Variants in SLC17A1 observed in about 807,000 individuals in gnomAD.
The protein encoded by SLC17A1 is solute carrier family 17 member 1.
SLC17A1 carries 51 observed loss-of-function variants against 53.5 expected under a neutral mutation model. That is an observed-to-expected ratio of 0.95 (90% CI 0.76 to 1.20). The LOEUF is 1.20. Ranked by LOEUF, SLC17A1 falls within the 50% of genes most tolerant of loss-of-function variation. SLC17A1 has a pLI of 0.00. For synonymous variants in SLC17A1, 179 were observed against 198.8 expected (o/e 0.90, Z 0.84); for missense variants, 538 against 568.2 (o/e 0.95, Z 0.54).
the SLC17A1 span, chr6:25,726,127 T>C: frequency 7.9e-6 from 12 of 1,522,396 alleles, no homozygotes; most frequent in Non-Finnish European, 8.8e-6. Flanking sequence ...AATGACAACC[T>C]TAAGTTACTT....
intron 6 of SLC17A1, among the ~76,000 whole-genome samples, chr6:25,817,923 GACTA>G (rs1166091810): frequency 1.3e-5 from 2 of 152,170 alleles, no homozygotes; most frequent in East Asian, 1.9e-4. Flanking sequence ...TACTACTGAA[GACTA>G]ACTAACACAG....
chr6:25,736,283 A>T, the SLC17A1 span, among the ~76,000 whole-genome samples: 2 of 152,082 alleles, frequency 1.3e-5, no homozygotes, highest in African/African-American at 4.8e-5. Context: ...CTTTTGTAAG[A>T]ACATCTGTCT....
chr6:25,773,734 A>T, the SLC17A1 span: 1 of 1,554,560 alleles, frequency 6.4e-7, no homozygotes, highest in African/African-American at 1.4e-5. Context: ...ATGAGAGCTC[A>T]TATATAATCC....
intron 10 of SLC17A1, among the ~76,000 whole-genome samples, chr6:25,809,010 A>G (rs1211962878): frequency 6.6e-6 from 1 of 152,064 alleles, no homozygotes. Context: ...GTGTCCATCA[A>G]CAGATGATTG....
chr6:25,726,845 C>T, the SLC17A1 span: 28 of 1,536,512 alleles, frequency 1.8e-5, no homozygotes, highest in Non-Finnish European at 2.3e-5. Flanking sequence ...AGCTGTTGAG[C>T]ACTGGAAAGT....
At chr6:25,747,475 A>T in the SLC17A1 span, among the ~76,000 whole-genome samples, 5 of 152,236 alleles carry the variant, frequency 3.3e-5, no homozygotes, top group Non-Finnish European at 5.9e-5. Context: ...CAGCCAACAA[A>T]TAACACTACA....
chr6:25,784,878 C>T (rs1485995704), intron 12 of SLC17A1, among the ~76,000 whole-genome samples: 1 of 152,156 alleles, frequency 6.6e-6, no homozygotes, highest in Non-Finnish European at 1.5e-5. Flanking sequence ...ACTCTAGCCA[C>T]TTCTGCTCAA....
At chr6:25,761,095 T>G in the SLC17A1 span, among the ~76,000 whole-genome samples, 83 of 152,286 alleles carry the variant, frequency 5.5e-4, no homozygotes, top group African/African-American at 1.9e-3. Flanking sequence ...TTTGGTCAGT[T>G]TTTTAGCTGG....
chr6:25,823,658 G>A (rs185084404), intron 3 of SLC17A1, among the ~76,000 whole-genome samples: 1 of 151,630 alleles, frequency 6.6e-6, no homozygotes, highest in Non-Finnish European at 1.5e-5. Flanking sequence ...TTTTTGTATT[G>A]GGTTGTGTTT....
chr6:25,827,556 A>C (rs1764794494), intron 2 of SLC17A1, among the ~76,000 whole-genome samples: 1 of 152,140 alleles, frequency 6.6e-6, no homozygotes, highest in African/African-American at 2.4e-5. Context: ...TCCATCTCCA[A>C]AATCAGCAAT....
the SLC17A1 span, among the ~76,000 whole-genome samples, chr6:25,760,598 C>T: frequency 6.6e-6 from 1 of 152,104 alleles, no homozygotes; most frequent in Non-Finnish European, 1.5e-5. Flanking sequence ...CCTAGAAGTC[C>T]TATTCAACAT....
chr6:25,809,311 G>A (rs1035371455), intron 10 of SLC17A1, among the ~76,000 whole-genome samples: 1 of 151,952 alleles, frequency 6.6e-6, no homozygotes, highest in African/African-American at 2.4e-5. Context: ...TTCAGGTAAT[G>A]GTTACCCTAA....
At chr6:25,795,978 C>G (rs1763594293) in intron 12 of SLC17A1, among the ~76,000 whole-genome samples, 1 of 151,976 alleles carries the variant, frequency 6.6e-6, no homozygotes, top group Non-Finnish European at 1.5e-5. Flanking sequence ...TAATGGAAAA[C>G]TTTGGTATAA....
the SLC17A1 span, chr6:25,770,201 CTTGT>C: frequency 3.1e-6 from 5 of 1,613,970 alleles, no homozygotes; most frequent in African/African-American, 1.3e-5. Flanking sequence ...TTGGTGCTGG[CTTGT>C]TTATTTCCTC....
chr6:25,791,674 T>C (rs1727475502), intron 12 of SLC17A1, among the ~76,000 whole-genome samples: 1 of 152,226 alleles, frequency 6.6e-6, no homozygotes, highest in African/African-American at 2.4e-5. Flanking sequence ...TGGCTCTGCG[T>C]GAGCTCACAC....
chr6:25,768,479 A>G, the SLC17A1 span: 1 of 680,344 alleles, frequency 1.5e-6, no homozygotes, highest in Non-Finnish European at 1.8e-6. Context: ...AAATACTTCT[A>G]TGATCTAACC....
chr6:25,788,986 G>GGTAGGTA (rs1763443885), intron 12 of SLC17A1, among the ~76,000 whole-genome samples: 1 of 152,116 alleles, frequency 6.6e-6, no homozygotes, highest in African/African-American at 2.4e-5. Flanking sequence ...TAGGTAGGTA[G>GGTAGGTA]GTAGGTAGGT....
chr6:25,794,741 C>T (rs571614378), intron 12 of SLC17A1, among the ~76,000 whole-genome samples: 29 of 152,224 alleles, frequency 1.9e-4, no homozygotes, highest in African/African-American at 6.7e-4. Flanking sequence ...TCCAGGGCTG[C>T]GAAGCAACTT....
chr6:25,814,991 A>T (rs751051219), intron 6 of SLC17A1, among the ~76,000 whole-genome samples: 3,631 of 18,412 alleles, frequency 0.2, 115 homozygotes, highest in African/African-American at 0.39. Context: ...TGTCACACAA[A>T]CACACACACA....
Sources: gnomAD v4.1 joint callset for allele counts (sites outside exome capture counted in the v4.1 genomes callset) on GRCh38, gnomAD v4.1.1 for gene constraint, MANE v1.5 for transcripts, NCBI Gene and HGNC (gene_info 2026-07-23, HGNC 2026-07-21) for gene names.